The following ALKAL1 variants were observed in gnomAD, a reference collection of about 807,000 sequenced individuals.
ALKAL1 encodes AUG-beta.
A neutral mutation model predicts 13.5 loss-of-function variants in ALKAL1; 23 were observed. The ratio of observed to expected loss-of-function variants is 1.70; its 90% CI spans 1.23 to 2.41. The LOEUF is 2.41. Ranked by LOEUF, ALKAL1 falls within the 30% of genes most tolerant of loss-of-function variation. The pLI is 0.00. For missense variants in ALKAL1, 181 were observed against 178.4 expected (o/e 1.01, Z -0.08); for synonymous variants, 85 against 77.7 (o/e 1.09, Z -0.49).
chr8:52,538,125 C>T (rs906561528), intron 4 of ALKAL1, among the ~76,000 whole-genome samples: 1 of 149,572 alleles, frequency 6.7e-6, no homozygotes, highest in African/African-American at 2.5e-5. Context: ...AGTGGGGAGG[C>T]GCAGCTTGGT....
At position 52,565,220 on chromosome 8, in the gene ALKAL1, G is replaced by C. The variant is rs763736740; in HGVS notation, c.37C>G (p.Leu13Val). 1.6e-4 allele frequency: 207 copies of C among 1,332,676 alleles called. No individual in the cohort carries two copies. Among genetic ancestry groups the C allele is most frequent in the South Asian group, 3.3e-4 (16 of 48,760 alleles). 82.6% of individuals were successfully genotyped at this position (1,332,676 alleles called of 1,614,324 possible). ...GACAAAGCCAGCGCCAGCAGGAAGA[G>C]TGCGGGCAAAGGGGCGCCGGGCTTA... The part of the protein sequence containing the change: ...PLKPGAPLPA[L>V]FLLALALSPH... The change falls in exon 1 of 5, where the codon CTC becomes GTC. Residue 13 changes from leucine (L) to valine (V), a missense_variant. Physicochemically the swap from Leu to Val is conservative, Grantham distance 32. Coordinates refer to ENST00000358543, the MANE Select transcript of ALKAL1 (RefSeq NM_207413.4).
chr8:52,556,507 C>T (rs1035631451), intron 1 of ALKAL1, among the ~76,000 whole-genome samples: 6 of 151,484 alleles, frequency 4.0e-5, no homozygotes, highest in African/African-American at 7.3e-5. Context: ...ATTAGCCGGG[C>T]GTGGTGGCGC....
Position 52,565,155 on chromosome 8 carries a change from T to C in ALKAL1, c.102A>G (p.Gly34=). 6 of 1,393,430 alleles carry C rather than the reference T, an allele frequency of 4.3e-6. No individual in the cohort carries two copies. Among genetic ancestry groups the C allele is most frequent in the Non-Finnish European group, 4.7e-6 (5 of 1,064,914 alleles). The allele number at this position is 1,393,430 out of a possible 1,614,324, so 86.3% of individuals were successfully genotyped here. The change falls in exon 1 of 5, where the codon GGA becomes GGG. Residue 34 remains glycine, a synonymous_variant. Coordinates refer to ENST00000358543, the MANE Select transcript of ALKAL1 (RefSeq NM_207413.4). The stretch of plus-strand genomic sequence containing the variant: ...TGGGCTCCTTATCCGTGACGCGCGC[T>C]CCCCTGCGCCCCCGGGGCCTCCCGT... ...GAHGRPRGRR[G]ARVTDKEPKP... is the part of the protein sequence containing the mutation.
intron 1 of ALKAL1, among the ~76,000 whole-genome samples, chr8:52,552,979 A>G (rs1280186454): frequency 6.6e-6 from 1 of 152,164 alleles, no homozygotes; most frequent in African/African-American, 2.4e-5. Context: ...AGCAAGGAAA[A>G]ATGTGTACGG....
intron 4 of ALKAL1, among the ~76,000 whole-genome samples, chr8:52,536,667 C>T (rs560592226): frequency 2.6e-5 from 4 of 151,954 alleles, no homozygotes; most frequent in East Asian, 1.9e-4. Context: ...AAAACTGTAC[C>T]GAAGTTTTAA....
At chr8:52,561,368 A>G (rs1221802841) in intron 1 of ALKAL1, among the ~76,000 whole-genome samples, 1 of 152,234 alleles carries the variant, frequency 6.6e-6, no homozygotes, top group African/African-American at 2.4e-5. Flanking sequence ...CGCATAAATA[A>G]CCGAACTGCA....
chr8:52,543,714 T>C (rs1479242806), intron 1 of ALKAL1, among the ~76,000 whole-genome samples: 1 of 152,178 alleles, frequency 6.6e-6, no homozygotes, highest in Non-Finnish European at 1.5e-5. Flanking sequence ...CCCCTGTACT[T>C]CTCAGAAACC....
intron 1 of ALKAL1, among the ~76,000 whole-genome samples, chr8:52,563,311 A>T (rs1180033244): frequency 6.6e-6 from 1 of 152,122 alleles, no homozygotes; most frequent in Non-Finnish European, 1.5e-5. Context: ...TGCGCCTGTA[A>T]TCCTAGCTAC....
rs930738718 is a variant in ALKAL1 at position 52,557,438 on chromosome 8, G to A, written c.190+7629C>T. On this transcript the variant is annotated intron_variant, in intron 1 of 4. Coordinates refer to ENST00000358543, the MANE Select transcript of ALKAL1 (RefSeq NM_207413.4). Reference sequence around the variant, plus strand: ...TTCTGTCTCATGGAAATGATCAATAGCCAATCTGATACTGTCAATAAACTT... The same window carrying A: ...TTCTGTCTCATGGAAATGATCAATAACCAATCTGATACTGTCAATAAACTT... Among the ~76,000 whole-genome samples, 6 of 152,310 alleles carry A rather than the reference G, an allele frequency of 3.9e-5. No individual in the cohort carries two copies. In the East Asian group the frequency reaches 1.2e-3, roughly 29 times the overall value.
At chr8:52,538,189 C>T (rs1451657000) in intron 4 of ALKAL1, among the ~76,000 whole-genome samples, 5 of 151,472 alleles carry the variant, frequency 3.3e-5, no homozygotes, top group Non-Finnish European at 5.9e-5. Flanking sequence ...GGCTCTGCAG[C>T]ACTGTAGGGT....
rs74875431 is a variant in ALKAL1 at position 52,554,639 on chromosome 8, A to G, written c.190+10428T>C. ...AGTATACGAATTTAAAGGACAAGGT[A>G]AAGAAAAAGGAAGAAGATACCTTTT... On this transcript the variant is annotated intron_variant, in intron 1 of 4. Transcript: ENST00000358543. Among the ~76,000 whole-genome samples, 916 of 152,356 alleles carry G rather than the reference A, an allele frequency of 6.0e-3. 10 individuals carry two copies. Among genetic ancestry groups the G allele is most frequent in the African/African-American group, 0.021 (876 of 41,584 alleles).
chr8:52,556,728 AAATTC>A (rs1042593660), intron 1 of ALKAL1, among the ~76,000 whole-genome samples: 8 of 151,970 alleles, frequency 5.3e-5, no homozygotes, highest in Admixed American at 1.3e-4. Flanking sequence ...AACTGAACCA[AAATTC>A]AATTCATCAA....
At chr8:52,554,667 A>C (rs998440436) in intron 1 of ALKAL1, among the ~76,000 whole-genome samples, 2 of 152,220 alleles carry the variant, frequency 1.3e-5, no homozygotes. Flanking sequence ...TACCTTTTGG[A>C]ATCTTTCATG....
chr8:52,563,962 A>G lies in ALKAL1; in HGVS notation c.190+1105T>C, dbSNP rs148507239. Among the ~76,000 whole-genome samples, 270 of 152,390 alleles carry G rather than the reference A, an allele frequency of 1.8e-3. 2 individuals carry two copies. The highest frequency in any genetic ancestry group is 6.3e-3 in the African/African-American group (264 of 41,606). ...CTCCGCCCTCTGCATGGTGACAGACAGGAACTCGAAGAAAGTTTGTGGAGT... is the reference window on the plus strand; with the variant it reads ...CTCCGCCCTCTGCATGGTGACAGACGGGAACTCGAAGAAAGTTTGTGGAGT... On this transcript the variant is annotated intron_variant, in intron 1 of 4. Transcript: ENST00000358543.
intron 1 of ALKAL1, among the ~76,000 whole-genome samples, chr8:52,561,261 G>A (rs1847547849): frequency 2.0e-5 from 3 of 152,138 alleles, no homozygotes; most frequent in Non-Finnish European, 4.4e-5. Flanking sequence ...TATTACGCAA[G>A]CCCCTGCAGT....
chr8:52,562,252 G>A (rs1476402346), intron 1 of ALKAL1, among the ~76,000 whole-genome samples: 1 of 152,124 alleles, frequency 6.6e-6, no homozygotes, highest in East Asian at 1.9e-4. Context: ...GAAGGTCACC[G>A]TAAAACTCTC....
chr8:52,542,180 G>A (rs1200417688), intron 2 of ALKAL1, among the ~76,000 whole-genome samples: 4 of 152,230 alleles, frequency 2.6e-5, no homozygotes, highest in African/African-American at 9.6e-5. Flanking sequence ...TTCACTTCCT[G>A]TGTATCCTTA....
At chr8:52,536,733 G>A (rs1316637372) in intron 4 of ALKAL1, among the ~76,000 whole-genome samples, 2 of 152,068 alleles carry the variant, frequency 1.3e-5, no homozygotes, top group East Asian at 3.8e-4. Context: ...GAACATCTAA[G>A]TACTTTTGTT....
At chr8:52,555,878 C>T (rs1177783404) in intron 1 of ALKAL1, among the ~76,000 whole-genome samples, 3 of 152,182 alleles carry the variant, frequency 2.0e-5, no homozygotes, top group African/African-American at 7.2e-5. Context: ...TCTTTAGGGA[C>T]CCGTGAAGAC....
Sources: gnomAD v4.1 joint callset for allele counts (sites outside exome capture counted in the v4.1 genomes callset) on GRCh38, gnomAD v4.1.1 for gene constraint, MANE v1.5 for transcripts, NCBI Gene and HGNC (gene_info 2026-07-23, HGNC 2026-07-21) for gene names.